The following TBC1D5 variants were observed in gnomAD, a reference collection of about 807,000 sequenced individuals.
TBC1D5 encodes TBC1 domain family, member 5.
A neutral mutation model predicts 100.3 loss-of-function variants in TBC1D5; 75 were observed. The ratio of observed to expected loss-of-function variants is 0.75; its 90% CI spans 0.62 to 0.91. The LOEUF is 0.91. TBC1D5 is among the 40% of genes least tolerant of loss of function. The pLI is 0.00. For synonymous variants in TBC1D5, 323 were observed against 325.6 expected, an observed-to-expected ratio of 0.99 and a Z score of 0.09; for missense variants, 910 against 942.4, an observed-to-expected ratio of 0.97 and a Z score of 0.45.
chr3:17,404,808 G>T, intron 6 of TBC1D5, 40 bp from the exon 7 acceptor site: 1 of 1,584,314 alleles, frequency 6.3e-7, no homozygotes, highest in Non-Finnish European at 8.6e-7. Flanking sequence ...AGGATCAGAG[G>T]CTACTGGACT....
chr3:17,516,900 T>C (rs1348490504), intron 2 of TBC1D5, among the ~76,000 whole-genome samples: 1 of 152,158 alleles, frequency 6.6e-6, no homozygotes, highest in African/African-American at 2.4e-5. Context: ...GTCTTCTTTC[T>C]ATTCCTTAAA....
chr3:17,309,883 A>C (rs956552389), intron 13 of TBC1D5, among the ~76,000 whole-genome samples: 1 of 152,120 alleles, frequency 6.6e-6, no homozygotes, highest in Non-Finnish European at 1.5e-5. Context: ...TGCACTCTTA[A>C]ACGATGAAAA....
intron 9 of TBC1D5, among the ~76,000 whole-genome samples, chr3:17,380,563 A>C (rs569431427): frequency 6.6e-6 from 1 of 152,230 alleles, no homozygotes; most frequent in Admixed American, 6.6e-5. Context: ...CCCAAAATGT[A>C]TATTTTGCTT....
At chr3:17,325,448 G>A (rs2085976599) in intron 13 of TBC1D5, among the ~76,000 whole-genome samples, 1 of 151,508 alleles carries the variant, frequency 6.6e-6, no homozygotes, top group African/African-American at 2.4e-5. Context: ...TCAGCCTGCC[G>A]AGTAGCTGGG....
intron 18 of TBC1D5, among the ~76,000 whole-genome samples, chr3:17,200,336 C>A (rs1293372845): frequency 6.6e-6 from 1 of 152,240 alleles, no homozygotes; most frequent in Non-Finnish European, 1.5e-5. Flanking sequence ...CTGTTAGGAA[C>A]CATGCTGCAC....
Position 17,304,996 on chromosome 3 carries a change from A to G in TBC1D5, c.1138+2996T>C, listed in dbSNP as rs1343360059. On this transcript the variant is annotated intron_variant, in intron 14 of 21. Coordinates refer to ENST00000253692, the Ensembl canonical transcript of TBC1D5. The stretch of plus-strand genomic sequence containing the variant: ...TATATTAAAAACAAACAAACAAAGA[A>G]AACCAACAACAAAAAGCTGAAGAAA... Among the ~76,000 whole-genome samples, 5 of 152,204 alleles carry G rather than the reference A, an allele frequency of 3.3e-5. No homozygotes were observed. In the South Asian group the frequency reaches 8.3e-4, roughly 25 times the overall value.
At chr3:17,319,175 C>T (rs2085063330) in intron 13 of TBC1D5, among the ~76,000 whole-genome samples, 1 of 152,160 alleles carries the variant, frequency 6.6e-6, no homozygotes, top group African/African-American at 2.4e-5. Context: ...CGTAAACCAA[C>T]TCAAATATGA....
chr3:17,305,564 C>T (rs10510472), intron 14 of TBC1D5, among the ~76,000 whole-genome samples: 2,684 of 152,272 alleles, frequency 0.018, 79 homozygotes, highest in African/African-American at 0.061. Context: ...AGCCTTGACA[C>T]TGACATTTAA....
At chr3:17,288,919 G>A (rs1046004576) in intron 15 of TBC1D5, among the ~76,000 whole-genome samples, 22 of 152,180 alleles carry the variant, frequency 1.4e-4, no homozygotes, top group African/African-American at 4.3e-4. Flanking sequence ...AACCAGCCCC[G>A]GAGCCATGAG....
At chr3:17,414,030 A>C (rs1247065296) in intron 4 of TBC1D5, among the ~76,000 whole-genome samples, 1 of 152,192 alleles carries the variant, frequency 6.6e-6, no homozygotes, top group African/African-American at 2.4e-5. Context: ...GATAAGGTAG[A>C]AAGTTGCTTT....
chr3:17,473,138 G>A (rs1182232364), intron 3 of TBC1D5, among the ~76,000 whole-genome samples: 1 of 152,032 alleles, frequency 6.6e-6, no homozygotes, highest in African/African-American at 2.4e-5. Flanking sequence ...AAGTGCAGTG[G>A]CTAATACCTG....
Position 17,437,253 on chromosome 3 carries a change from T to G in TBC1D5, c.98-8734A>C, listed in dbSNP as rs559509073. ...ACTGTGAGAAATAAAATTATTTTAT[T>G]TATGAATTACCCAGTCAGTGATATT... On this transcript the variant is annotated intron_variant, in intron 3 of 21. Transcript: ENST00000253692. Among the ~76,000 whole-genome samples, 7 of 152,240 alleles carry G rather than the reference T, an allele frequency of 4.6e-5. No individual in the cohort carries two copies. The East Asian group carries it at 1.2e-3, about 25-fold the overall frequency.
chr3:17,450,358 G>A (rs754716013), intron 3 of TBC1D5, among the ~76,000 whole-genome samples: 5 of 152,128 alleles, frequency 3.3e-5, no homozygotes, highest in African/African-American at 7.2e-5. Context: ...TTACCAGCAA[G>A]GGAACAAAAC....
chr3:17,427,491 T>C (rs1397261814), intron 4 of TBC1D5, among the ~76,000 whole-genome samples: 1 of 151,916 alleles, frequency 6.6e-6, no homozygotes. Flanking sequence ...ATAATATGTA[T>C]ACAAATAAAA....
intron 3 of TBC1D5, among the ~76,000 whole-genome samples, chr3:17,463,612 A>G (rs1432712736): frequency 6.6e-6 from 1 of 152,228 alleles, no homozygotes; most frequent in Non-Finnish European, 1.5e-5. Flanking sequence ...AAACTGAATG[A>G]TTCCAAAAGA....
chr3:17,570,539 CCA>C (rs1288904574), intron 2 of TBC1D5, among the ~76,000 whole-genome samples: 1 of 151,848 alleles, frequency 6.6e-6, no homozygotes, highest in African/African-American at 2.4e-5. Context: ...ATTCACATAC[CCA>C]CTACCTAGAT....
rs564383852 is a variant in TBC1D5, at chr3:17,706,245, T to C, written c.-101+33098A>G. On this transcript the variant is annotated intron_variant, in intron 1 of 21. Transcript: ENST00000253692. ...GTGGAGGCGGCGGCCACCACATTGA[T>C]ATTTGTACTTCTTCACATACTCAGC... 7.6e-5 allele frequency: 118 copies of C among 1,548,872 alleles called. No individual in the cohort carries two copies. In the African/African-American group the frequency reaches 1.4e-3, roughly 19 times the overall value.
At chr3:17,567,865 T>C (rs2096602837) in intron 2 of TBC1D5, among the ~76,000 whole-genome samples, 1 of 151,678 alleles carries the variant, frequency 6.6e-6, no homozygotes, top group Admixed American at 6.6e-5. Context: ...TATACCTATA[T>C]ATGACAAGGT....
chr3:17,557,876 C>T (rs1267148505), intron 2 of TBC1D5, among the ~76,000 whole-genome samples: 1 of 152,038 alleles, frequency 6.6e-6, no homozygotes, highest in Non-Finnish European at 1.5e-5. Flanking sequence ...CACACCAGAA[C>T]AAAACAGGGG....
Sources: gnomAD v4.1 joint callset for allele counts (sites outside exome capture counted in the v4.1 genomes callset) on GRCh38, gnomAD v4.1.1 for gene constraint, MANE v1.5 for transcripts, NCBI Gene and HGNC (gene_info 2026-07-23, HGNC 2026-07-21) for gene names.